CSF1R: variants seen among roughly 807,000 people sequenced by gnomAD.
CSF1R encodes colony stimulating factor 1 receptor, also known as macrophage colony-stimulating factor 1 receptor.
In CSF1R, 40 loss-of-function variants were observed where a neutral mutation model predicts 110.0. That is an observed-to-expected ratio of 0.36 (90% CI 0.28 to 0.47). The LOEUF (loss-of-function observed/expected upper bound fraction) is 0.47, where lower values mean the gene tolerates loss of function less well. CSF1R is among the 20% of genes least tolerant of loss of function. The pLI, the probability that CSF1R is intolerant of heterozygous loss-of-function variation, is 0.99. For synonymous variants in CSF1R, 523 were observed against 503.4 expected (o/e 1.04, Z -0.52); for missense variants, 1,052 against 1,253.0 (o/e 0.84, Z 2.42).
Position 150,085,277 on chromosome 5 carries a change from G to GAAAAAAAAAAAAA in CSF1R, c.49+1089_49+1101dup, listed in dbSNP as rs70973563. On this transcript the variant is annotated intron_variant, in intron 1 of 20. Coordinates refer to ENST00000675795, the MANE Select transcript of CSF1R (RefSeq NM_001288705.3). ...GTGACAGAGAGAGACTCTGTCTCAG[G>GAAAAAAAAAAAAA]AAAAAAAAAAAAAAAACCCAAATAC... Among the ~76,000 whole-genome samples the GAAAAAAAAAAAAA allele has an allele frequency of 4.5e-4, 42 of 92,444 alleles. 1 individual carries two copies. Among genetic ancestry groups the GAAAAAAAAAAAAA allele is most frequent in the African/African-American group, 1.6e-3 (28 of 17,986 alleles). The allele number at this position is 92,444 out of a possible 152,430, so 60.6% of individuals were successfully genotyped here.
intron 6 of CSF1R, among the ~76,000 whole-genome samples, chr5:150,071,227 T>G (rs73275644): frequency 0.031 from 4,767 of 152,266 alleles, 263 homozygotes; most frequent in African/African-American, 0.11. Flanking sequence ...GAAAAGGCCC[T>G]GGAGCAAAAA....
chr5:150,108,489 G>A (rs918375041), intron 1 of CSF1R, among the ~76,000 whole-genome samples: 1 of 152,164 alleles, frequency 6.6e-6, no homozygotes, highest in African/African-American at 2.4e-5. Flanking sequence ...AAGGAGTCTC[G>A]ACTTTGCTGG....
intron 1 of CSF1R, among the ~76,000 whole-genome samples, chr5:150,083,501 C>G (rs553552736): frequency 1.3e-5 from 2 of 152,032 alleles, no homozygotes; most frequent in East Asian, 3.9e-4. Context: ...CAATACCATC[C>G]CCAGTCTCCT....
At position 150,092,584 on chromosome 5, in the gene CSF1R, G is replaced by A. The variant is rs775694519; in HGVS notation, c.-180-5977C>T. Among the ~76,000 whole-genome samples, 6 of 152,212 alleles carry A rather than the reference G, an allele frequency of 3.9e-5. No individual in the cohort carries two copies. In the South Asian group the frequency reaches 1.2e-3, roughly 31 times the overall value. On this transcript the variant is annotated intron_variant, in intron 1 of 21. Coordinates refer to the CSF1R transcript ENST00000286301. ...CTCAGAATCATAGTGGAAGGCAAAG[G>A]AGGAGCAGAATCACATCCAACATGA...
chr5:150,074,607 T>G (rs1469426536), intron 5 of CSF1R, among the ~76,000 whole-genome samples: 1 of 152,192 alleles, frequency 6.6e-6, no homozygotes. Flanking sequence ...GCCCCTGACA[T>G]GCCTTCTTAA....
At chr5:150,081,969 G>A (rs987867917) in intron 1 of CSF1R, among the ~76,000 whole-genome samples, 3 of 152,166 alleles carry the variant, frequency 2.0e-5, no homozygotes, top group Admixed American at 6.5e-5. Flanking sequence ...GCTGCCAGGC[G>A]CCCCCCAGCC....
chr5:150,074,869 A>G (rs556166785), intron 5 of CSF1R, among the ~76,000 whole-genome samples: 3 of 148,742 alleles, frequency 2.0e-5, no homozygotes, highest in African/African-American at 7.5e-5. Context: ...CGCTCCACCC[A>G]TCTGGGTCTC....
At chr5:150,088,659 G>A (rs918623478), upstream of CSF1R, among the ~76,000 whole-genome samples, 1 of 152,056 alleles carries the variant, frequency 6.6e-6, no homozygotes, top group African/African-American at 2.4e-5. Context: ...TCAAACTCCC[G>A]AGTAGCTGGG....
At chr5:150,099,560 A>T (rs1759335222) in intron 1 of CSF1R, among the ~76,000 whole-genome samples, 1 of 152,224 alleles carries the variant, frequency 6.6e-6, no homozygotes. Flanking sequence ...AAGTGGAACA[A>T]ACTTCTGATG....
chr5:150,081,445 C>T (rs1758539551), intron 1 of CSF1R, among the ~76,000 whole-genome samples: 1 of 152,082 alleles, frequency 6.6e-6, no homozygotes, highest in Non-Finnish European at 1.5e-5. Context: ...CGGCCAAGTC[C>T]TCAGCTTAAT....
In CSF1R at chr5:150,059,749, C is replaced by A; in HGVS notation, c.2083G>T (p.Gly695Ter). Reference protein sequence around the residue: ...PSLSPGQDPEGGVDYKNIHLE... With the variant: ...PSLSPGQDPE ...TGGATGTTCTTATAGTCGACGCCTC[C>A]CTCGGGGTCCTGGCCGGGGCTCAGG... The change falls in exon 14 of 21, where the codon GGA (glycine) becomes TGA (stop). Residue 695 changes from glycine to a stop codon, truncating the protein, a stop_gained. Transcript: ENST00000675795. LOFTEE classifies it high-confidence loss of function. 6.2e-7 allele frequency: 1 copy of A among 1,614,212 alleles called. No individual in the cohort carries two copies. The highest frequency in any genetic ancestry group is 8.5e-7 in the Non-Finnish European group (1 of 1,180,036).
Position 150,054,000 on chromosome 5 carries a change from G to T in CSF1R, c.*69C>A. On this transcript the variant is annotated 3_prime_UTR_variant, in exon 21 of 21. Transcript: ENST00000675795. ...AAGGCAGAGTTTGTATGTTCTCCCCGTGTCGCCCCATCCATGGAGGAGTTG... is the reference window on the plus strand; with the variant it reads ...AAGGCAGAGTTTGTATGTTCTCCCCTTGTCGCCCCATCCATGGAGGAGTTG... 1 of 1,473,636 alleles carries T rather than the reference G, an allele frequency of 6.8e-7. No homozygotes were observed. Among genetic ancestry groups the T allele is most frequent in the Non-Finnish European group, 9.4e-7 (1 of 1,065,522 alleles). The allele number at this position is 1,473,636 out of a possible 1,614,324, so 91.3% of individuals were successfully genotyped here.
chr5:150,090,660 T>A (rs969861264), upstream of CSF1R, among the ~76,000 whole-genome samples: 60 of 152,096 alleles, frequency 3.9e-4, no homozygotes, highest in Non-Finnish European at 2.1e-4. Flanking sequence ...AAATAAATTT[T>A]AAAAAAGAAT....
chr5:150,064,018 G>C (rs746852097), intron 10 of CSF1R, among the ~76,000 whole-genome samples: 2 of 152,254 alleles, frequency 1.3e-5, no homozygotes, highest in Non-Finnish European at 2.9e-5. Context: ...TGGTGCAGCT[G>C]AAGGCCATTA....
intron 10 of CSF1R, among the ~76,000 whole-genome samples, chr5:150,062,963 G>A (rs935597568): frequency 1.3e-5 from 2 of 152,098 alleles, no homozygotes; most frequent in African/African-American, 2.4e-5. Flanking sequence ...GAAGTGGGGG[G>A]CAGATTCCAG....
chr5:150,103,122 C>A (rs145399494), intron 1 of CSF1R, among the ~76,000 whole-genome samples: 1 of 152,354 alleles, frequency 6.6e-6, no homozygotes, highest in African/African-American at 2.4e-5. Context: ...TCAGCTCACA[C>A]AGCTACTTTG....
At chr5:150,101,109 T>G (rs1194485657) in intron 1 of CSF1R, among the ~76,000 whole-genome samples, 1 of 151,848 alleles carries the variant, frequency 6.6e-6, no homozygotes, top group Non-Finnish European at 1.5e-5. Context: ...CTCCACCCCT[T>G]GAATCTGGGC....
intron 14 of CSF1R, chr5:150,058,084 T>A: frequency 2.6e-6 from 1 of 384,686 alleles, no homozygotes; most frequent in South Asian, 1.9e-5. Flanking sequence ...ATTCACAGAT[T>A]TAAATCTCCC....
chr5:150,055,164 C>G (rs193013734), intron 19 of CSF1R, 73 bp downstream of exon 19: 1 of 1,336,104 alleles, frequency 7.5e-7, no homozygotes, highest in African/African-American at 1.4e-5. Context: ...AAGATCAGGG[C>G]CACACGGCCT....
Sources: allele counts gnomAD v4.1 joint callset (sites outside exome capture counted in the v4.1 genomes callset), GRCh38; gene constraint gnomAD v4.1.1; transcripts MANE v1.5; gene names NCBI Gene and HGNC (gene_info 2026-07-23, HGNC 2026-07-21).